Variants in PLB1 observed in about 807,000 individuals in gnomAD.
PLB1 encodes phospholipase B1, also known as phospholipase B1, membrane-associated.
Under a neutral mutation model 227.4 loss-of-function variants are expected in PLB1, and 242 were observed. The observed-to-expected ratio is 1.06, with a 90% CI of 0.96 to 1.18. The LOEUF (loss-of-function observed/expected upper bound fraction) is 1.18. Among genes scored for constraint, PLB1 ranks in the 50% most tolerant of loss-of-function variants. The pLI is 0.00. For missense variants in PLB1, 1,858 were observed against 1,816.3 expected, an observed-to-expected ratio of 1.02 and a Z score of -0.42; for synonymous variants, 757 against 682.2, an observed-to-expected ratio of 1.11 and a Z score of -1.71.
intron 51 of PLB1, among the ~76,000 whole-genome samples, chr2:28,628,345 G>T (rs1424977644): frequency 6.6e-6 from 1 of 152,108 alleles, no homozygotes; most frequent in African/African-American, 2.4e-5. Context: ...GCAGGGTGGG[G>T]GTTGGGATTG....
chr2:28,540,983 C>A (rs1337491145), intron 12 of PLB1, among the ~76,000 whole-genome samples: 1 of 152,050 alleles, frequency 6.6e-6, no homozygotes, highest in Non-Finnish European at 1.5e-5. Context: ...CCAGTCTGGG[C>A]AACATAGTGA....
intron 21 of PLB1, among the ~76,000 whole-genome samples, chr2:28,576,349 C>A (rs552478733): frequency 7.2e-4 from 109 of 152,316 alleles, no homozygotes; most frequent in African/African-American, 2.5e-3. Flanking sequence ...TTACAAGGCA[C>A]CCTCACGTTT....
At chr2:28,636,310 C>T (rs184800636) in intron 56 of PLB1, among the ~76,000 whole-genome samples, 2 of 152,292 alleles carry the variant, frequency 1.3e-5, no homozygotes, top group Admixed American at 1.3e-4. Flanking sequence ...GAGATCCACC[C>T]ACCTCGGCCT....
chr2:28,548,831 C>A (rs1008347479), intron 14 of PLB1, 29 bp from the exon 15 acceptor site: 1 of 1,612,692 alleles, frequency 6.2e-7, no homozygotes, highest in African/African-American at 1.3e-5. Flanking sequence ...ACAAAACTTC[C>A]CTGTTCTAAA....
intron 56 of PLB1, among the ~76,000 whole-genome samples, chr2:28,639,197 GAGA>G (rs1284902101): frequency 6.6e-6 from 1 of 152,206 alleles, no homozygotes; most frequent in Non-Finnish European, 1.5e-5. Context: ...AGTGAGAGAT[GAGA>G]AGGAGAGTGT....
chr2:28,587,619 A>G (rs1426415324), intron 26 of PLB1, among the ~76,000 whole-genome samples: 2 of 152,032 alleles, frequency 1.3e-5, no homozygotes, highest in Non-Finnish European at 2.9e-5. Context: ...AAAAAAAAAA[A>G]AATCAAAATC....
intron 17 of PLB1, among the ~76,000 whole-genome samples, chr2:28,559,232 G>C (rs1675642999): frequency 6.6e-6 from 1 of 152,144 alleles, no homozygotes; most frequent in Admixed American, 6.5e-5. Context: ...AGACTGGACT[G>C]GCAGCATCAG....
intron 7 of PLB1, 105 bp downstream of exon 7, chr2:28,529,512 T>C (rs980985431): frequency 1.6e-5 from 17 of 1,065,390 alleles, no homozygotes; most frequent in Non-Finnish European, 2.1e-5. Context: ...GGCTTAAAAA[T>C]AGAAGTATTT....
chr2:28,617,579 A>G (rs1686366753), intron 44 of PLB1, 148 bp from the exon 45 acceptor site: 1 of 750,842 alleles, frequency 1.3e-6, no homozygotes, highest in Non-Finnish European at 2.3e-6. Context: ...GCCCACCTAT[A>G]ACTCACAGTT....
chr2:28,528,941 CT>C (rs201087238), intron 6 of PLB1, among the ~76,000 whole-genome samples: 1,673 of 109,386 alleles, frequency 0.015, 16 homozygotes, highest in African/African-American at 0.04. Context: ...GGGAGTCAGT[CT>C]TTTTTTTTTT....
At chr2:28,522,335 C>A (rs1305752575) in intron 4 of PLB1, among the ~76,000 whole-genome samples, 2 of 151,988 alleles carry the variant, frequency 1.3e-5, no homozygotes, top group African/African-American at 4.8e-5. Context: ...AGCTCCCCAC[C>A]CGCATTCTCT....
chr2:28,642,226 C>A (rs1041197727), intron 57 of PLB1, among the ~76,000 whole-genome samples: 1 of 152,142 alleles, frequency 6.6e-6, no homozygotes, highest in Non-Finnish European at 1.5e-5. Context: ...ATTGTTTCTG[C>A]ACATCTCAAC....
intron 56 of PLB1, among the ~76,000 whole-genome samples, chr2:28,637,804 A>G (rs1227202221): frequency 6.6e-6 from 1 of 151,872 alleles, no homozygotes. Flanking sequence ...CTCAGGTGCC[A>G]CCTCCTGCAG....
intron 17 of PLB1, among the ~76,000 whole-genome samples, chr2:28,560,169 A>T (rs905035990): frequency 2.0e-5 from 3 of 152,142 alleles, no homozygotes; most frequent in Non-Finnish European, 2.9e-5. Flanking sequence ...CTTGGTACAA[A>T]CTCTGTACTA....
rs1326895948 is a variant in PLB1, at chr2:28,630,675, C to A, written c.3897+11C>A. 6.2e-7 allele frequency: 1 copy of A among 1,605,174 alleles called. No homozygotes were observed. On this transcript the variant is annotated intron_variant, in intron 54 of 57. Coordinates refer to ENST00000327757, the MANE Select transcript of PLB1 (RefSeq NM_153021.5). ...AACTGGAACCTCCAGGTAAGCCCTG[C>A]AGCCCTTCTCTTACTGACCCAGCTG... is the stretch of plus-strand genomic sequence containing the variant.
chr2:28,611,511 A>G (rs1685456851), intron 43 of PLB1, among the ~76,000 whole-genome samples: 1 of 152,108 alleles, frequency 6.6e-6, no homozygotes, highest in Admixed American at 6.5e-5. Context: ...TACTACACTG[A>G]CTGGCCATGC....
intron 43 of PLB1, 112 bp from the exon 44 acceptor site, chr2:28,613,919 G>A (rs1685826798): frequency 4.5e-6 from 4 of 884,610 alleles, no homozygotes; most frequent in Non-Finnish European, 7.4e-6. Flanking sequence ...CTATATAAGT[G>A]CAGAAGAATC....
intron 4 of PLB1, among the ~76,000 whole-genome samples, chr2:28,522,522 T>G (rs1346080617): frequency 6.6e-6 from 1 of 152,138 alleles, no homozygotes; most frequent in Non-Finnish European, 1.5e-5. Flanking sequence ...CACACCGATA[T>G]TTACATCCCA....
rs112825987 is a variant in PLB1 at position 28,625,002 on chromosome 2, G to T, written c.3528-55G>T. The T allele has an allele frequency of 2.3e-4, 358 of 1,539,538 alleles. 8 individuals are homozygous for T. The African/African-American group carries it at 3.5e-3, about 15-fold the overall frequency. On this transcript the variant is annotated intron_variant, in intron 49 of 57. Transcript: ENST00000327757. Reference sequence around the variant, plus strand: ...TCTTCCTAGGCCAAAATCCCATGTCGTGAGTCCTCGCTCCTGAGCCGGCAC... The same window carrying T: ...TCTTCCTAGGCCAAAATCCCATGTCTTGAGTCCTCGCTCCTGAGCCGGCAC...
Sources: gnomAD v4.1 joint callset for allele counts (sites outside exome capture counted in the v4.1 genomes callset) on GRCh38, gnomAD v4.1.1 for gene constraint, MANE v1.5 for transcripts, NCBI Gene and HGNC (gene_info 2026-07-23, HGNC 2026-07-21) for gene names.